Variants in RGS17 observed in about 807,000 individuals in gnomAD.
The protein encoded by RGS17 is regulator of G-protein signaling 17.
In RGS17, 12 loss-of-function variants were observed where a neutral mutation model predicts 25.5. That is an observed-to-expected ratio of 0.47 (90% CI 0.30 to 0.76). The LOEUF is 0.76. Among genes scored for constraint, RGS17 ranks in the 30% least tolerant of loss-of-function variants. The pLI, the probability that RGS17 is intolerant of heterozygous loss-of-function variation, is 0.07. For missense variants in RGS17, 196 were observed against 242.2 expected (o/e 0.81, Z 1.27); for synonymous variants, 71 against 76.9 (o/e 0.92, Z 0.40).
intron 1 of RGS17, among the ~76,000 whole-genome samples, chr6:153,086,003 T>C (rs1052065550): frequency 6.6e-6 from 1 of 152,210 alleles, no homozygotes; most frequent in Non-Finnish European, 1.5e-5. Flanking sequence ...TATTTATCTG[T>C]GTATGTCTGA....
intron 1 of RGS17, among the ~76,000 whole-genome samples, chr6:153,048,535 G>T (rs1215895323): frequency 6.6e-6 from 1 of 152,144 alleles, no homozygotes. Context: ...TATTCAGAGT[G>T]AAGTTCTTAC....
intron 1 of RGS17, among the ~76,000 whole-genome samples, chr6:153,063,596 A>G (rs1776667038): frequency 6.6e-6 from 1 of 152,206 alleles, no homozygotes; most frequent in Admixed American, 6.5e-5. Flanking sequence ...TCTAGAAAAT[A>G]GACTCAACAG....
intron 1 of RGS17, among the ~76,000 whole-genome samples, chr6:153,070,746 CGT>C (rs1408773681): frequency 2.0e-5 from 3 of 147,790 alleles, no homozygotes; most frequent in African/African-American, 5.0e-5. Context: ...CATACATAGA[CGT>C]ATATGTGTGT....
chr6:153,005,101 C>G lies in RGS17; in HGVS notation c.*6473G>C, dbSNP rs144516689. Reference sequence around the variant, plus strand: ...GGGAAATAGGTCTTTTACATTATTTCAATATTCAGTGTTCATTGATTAGTG... The same window carrying G: ...GGGAAATAGGTCTTTTACATTATTTGAATATTCAGTGTTCATTGATTAGTG... On this transcript the variant is annotated 3_prime_UTR_variant, in exon 5 of 5. Coordinates refer to ENST00000206262, the MANE Select transcript of RGS17 (RefSeq NM_012419.5). 107 of 152,224 alleles carry G rather than the reference C, an allele frequency of 7.0e-4. 1 individual carries two copies. The Middle Eastern group carries it at 0.01, about 15-fold the overall frequency. The allele number at this position is 152,224 out of a possible 1,614,324, so 9.4% of individuals were successfully genotyped here. A position where few individuals can be genotyped will look rare whatever the true frequency, so the allele number is the denominator to read the frequency against.
chr6:153,117,910 A>G (rs2129126416), intron 1 of RGS17, among the ~76,000 whole-genome samples: 1 of 152,374 alleles, frequency 6.6e-6, no homozygotes, highest in Non-Finnish European at 1.5e-5. Flanking sequence ...TTAACAGAGC[A>G]GTAAATACTG....
At chr6:153,046,977 A>G (rs1776393066) in intron 1 of RGS17, among the ~76,000 whole-genome samples, 1 of 152,194 alleles carries the variant, frequency 6.6e-6, no homozygotes, top group Non-Finnish European at 1.5e-5. Flanking sequence ...GATGATAAAG[A>G]CAAAAGCTGA....
intron 1 of RGS17, among the ~76,000 whole-genome samples, chr6:153,063,383 A>C (rs1776664848): frequency 6.6e-6 from 1 of 152,152 alleles, no homozygotes; most frequent in African/African-American, 2.4e-5. Context: ...AACAAAGATA[A>C]TGAAATAATT....
At chr6:153,032,562 A>G (rs1451700196) in intron 2 of RGS17, among the ~76,000 whole-genome samples, 1 of 126,808 alleles carries the variant, frequency 7.9e-6, no homozygotes, top group Non-Finnish European at 1.6e-5. Context: ...CTGCGGGTAA[A>G]TACCCTTATT....
intron 1 of RGS17, among the ~76,000 whole-genome samples, chr6:153,087,457 A>G (rs950520220): frequency 6.6e-6 from 1 of 152,234 alleles, no homozygotes; most frequent in African/African-American, 2.4e-5. Flanking sequence ...TACACATACT[A>G]GTCAGCTGCA....
intron 1 of RGS17, among the ~76,000 whole-genome samples, chr6:153,045,435 A>G (rs554590000): frequency 1.9e-4 from 29 of 152,322 alleles, no homozygotes; most frequent in African/African-American, 7.0e-4. Flanking sequence ...AGAGAAAGCC[A>G]TCCAGATCAG....
chr6:153,092,421 G>T (rs1399320915), intron 1 of RGS17, among the ~76,000 whole-genome samples: 1 of 152,158 alleles, frequency 6.6e-6, no homozygotes, highest in African/African-American at 2.4e-5. Context: ...GTTTCATGAA[G>T]CTCTCTCTAG....
At chr6:153,076,445 TG>T (rs1776880769) in intron 1 of RGS17, among the ~76,000 whole-genome samples, 1 of 152,176 alleles carries the variant, frequency 6.6e-6, no homozygotes, top group Non-Finnish European at 1.5e-5. Flanking sequence ...CTCTTTCCAC[TG>T]GAAAGTCTCA....
intron 1 of RGS17, among the ~76,000 whole-genome samples, chr6:153,084,565 A>G (rs1777027551): frequency 1.3e-5 from 2 of 152,320 alleles, no homozygotes; most frequent in Non-Finnish European, 2.9e-5. Context: ...AAGGAATGAT[A>G]GAGAACAGCT....
At chr6:153,052,550 T>C (rs1776475858) in intron 1 of RGS17, among the ~76,000 whole-genome samples, 1 of 151,990 alleles carries the variant, frequency 6.6e-6, no homozygotes, top group African/African-American at 2.4e-5. Context: ...AATATTTGGT[T>C]TTACATGTTC....
intron 1 of RGS17, among the ~76,000 whole-genome samples, chr6:153,056,177 T>C (rs1216129457): frequency 6.6e-6 from 1 of 152,218 alleles, no homozygotes; most frequent in African/African-American, 2.4e-5. Flanking sequence ...AACAGTTATG[T>C]TCAATTCTGC....
chr6:153,081,706 T>C (rs6920313), intron 1 of RGS17, among the ~76,000 whole-genome samples: 48,384 of 151,952 alleles, frequency 0.32, 7,876 homozygotes, highest in East Asian at 0.44. Flanking sequence ...TTGTTTTACA[T>C]GGTATTTTTA....
At chr6:153,121,779 T>C (rs1358859831) in intron 1 of RGS17, among the ~76,000 whole-genome samples, 1 of 152,200 alleles carries the variant, frequency 6.6e-6, no homozygotes, top group Non-Finnish European at 1.5e-5. Flanking sequence ...TTTATCAATG[T>C]GATTGAATTT....
intron 1 of RGS17, among the ~76,000 whole-genome samples, chr6:153,055,957 T>A (rs931094456): frequency 1.3e-5 from 2 of 152,068 alleles, no homozygotes; most frequent in Non-Finnish European, 2.9e-5. Context: ...GTAAAAAGGA[T>A]AAATGTAAGG....
chr6:153,109,502 A>G (rs544257301), intron 1 of RGS17, among the ~76,000 whole-genome samples: 1 of 152,238 alleles, frequency 6.6e-6, no homozygotes, highest in Non-Finnish European at 1.5e-5. Flanking sequence ...TAGCAGCCGC[A>G]CATTTGGTTA....
Sources: allele counts gnomAD v4.1 joint callset (sites outside exome capture counted in the v4.1 genomes callset), GRCh38; gene constraint gnomAD v4.1.1; transcripts MANE v1.5; gene names NCBI Gene and HGNC (gene_info 2026-07-23, HGNC 2026-07-21).